Variants in MUSK observed in about 807,000 individuals in gnomAD.
MUSK encodes the protein muscle associated receptor tyrosine kinase, also known as muscle, skeletal receptor tyrosine-protein kinase.
MUSK carries 55 observed loss-of-function variants against 88.7 expected under a neutral mutation model. That is an observed-to-expected ratio of 0.62 (90% CI 0.50 to 0.78). MUSK has a LOEUF of 0.78. Ranked by LOEUF, MUSK falls within the 30% of genes least tolerant of loss-of-function variation. MUSK has a pLI of 0.00. For synonymous variants in MUSK, 387 were observed against 391.9 expected (o/e 0.99, Z 0.15); for missense variants, 1,015 against 1,074.3 (o/e 0.94, Z 0.77).
At chr9:110,690,953 C>G (rs1274270650) in intron 3 of MUSK, among the ~76,000 whole-genome samples, 1 of 150,022 alleles carries the variant, frequency 6.7e-6, no homozygotes, top group Non-Finnish European at 1.5e-5. Flanking sequence ...CAACCTCTGC[C>G]TCCTGAGTTC....
chr9:110,733,279 T>TCTTGTTACC (rs1237005045), intron 5 of MUSK, among the ~76,000 whole-genome samples: 1 of 152,108 alleles, frequency 6.6e-6, no homozygotes, highest in Non-Finnish European at 1.5e-5. Flanking sequence ...CACTCATCAT[T>TCTTGTTACC]CTTGTTACCT....
At chr9:110,761,262 A>C (rs1326056871) in intron 7 of MUSK, among the ~76,000 whole-genome samples, 1 of 152,134 alleles carries the variant, frequency 6.6e-6, no homozygotes, top group Non-Finnish European at 1.5e-5. Context: ...CAGAGCCCTG[A>C]GTTTTTACAT....
At chr9:110,672,591 A>G (rs146077000) in intron 1 of MUSK, among the ~76,000 whole-genome samples, 56 of 152,264 alleles carry the variant, frequency 3.7e-4, no homozygotes, top group African/African-American at 1.3e-3. Flanking sequence ...AAGAAAGTAA[A>G]ACAAGGATAT....
intron 14 of MUSK, among the ~76,000 whole-genome samples, chr9:110,797,659 T>G (rs1280511511): frequency 6.6e-6 from 1 of 152,210 alleles, no homozygotes; most frequent in African/African-American, 2.4e-5. Flanking sequence ...TACATAACAA[T>G]TCATCTTGAA....
chr9:110,677,682 A>C (rs1241576081), intron 1 of MUSK, among the ~76,000 whole-genome samples: 1 of 152,132 alleles, frequency 6.6e-6, no homozygotes, highest in East Asian at 1.9e-4. Context: ...CCAAATTTGA[A>C]TCATCCTGTG....
At chr9:110,718,990 C>A (rs2076778408) in intron 5 of MUSK, among the ~76,000 whole-genome samples, 1 of 152,060 alleles carries the variant, frequency 6.6e-6, no homozygotes, top group Non-Finnish European at 1.5e-5. Flanking sequence ...AACTAAGCTT[C>A]ATAAATGAAG....
intron 3 of MUSK, among the ~76,000 whole-genome samples, chr9:110,687,614 C>T (rs773595559): frequency 3.3e-5 from 5 of 152,088 alleles, no homozygotes; most frequent in East Asian, 1.9e-4. Context: ...GAATTACAGG[C>T]GTGAGCCACT....
At chr9:110,693,892 C>A (rs2076391376) in intron 3 of MUSK, among the ~76,000 whole-genome samples, 1 of 152,044 alleles carries the variant, frequency 6.6e-6, no homozygotes, top group Non-Finnish European at 1.5e-5. Context: ...AACTGTATGA[C>A]AATACAACTC....
At chr9:110,736,667 C>G (rs1225848450) in intron 6 of MUSK, among the ~76,000 whole-genome samples, 1 of 152,016 alleles carries the variant, frequency 6.6e-6, no homozygotes, top group African/African-American at 2.4e-5. Flanking sequence ...GATTCTTGTT[C>G]ATTTTGTGTT....
At position 110,734,292 on chromosome 9, in the gene MUSK, ACCTTTGGCT is replaced by A. The variant is rs752372041; in HGVS notation, c.677_685del (p.Gly226_Phe228del). The A allele has an allele frequency of 1.2e-6, 2 of 1,612,932 alleles. No individual in the cohort carries two copies. Among genetic ancestry groups the A allele is most frequent in the Non-Finnish European group, 1.7e-6 (2 of 1,179,442 alleles). ...GCGGGCTCCTGAATCCCACAATGTC[ACCTTTGGCT>A]CCTTTGTGACCCTGCACTGTACAGC... On this transcript the variant is annotated inframe_deletion, in exon 6 of 15. Coordinates refer to ENST00000374448, the MANE Select transcript of MUSK (RefSeq NM_005592.4).
At position 110,697,442 on chromosome 9, in the gene MUSK, A is replaced by G. The variant is rs773036359; in HGVS notation, c.604A>G (p.Lys202Glu). 2.5e-6 allele frequency: 4 copies of G among 1,608,104 alleles called. No homozygotes were observed. The highest frequency in any genetic ancestry group is 1.7e-5 in the Admixed American group (1 of 59,544). The change falls in exon 5 of 15, where the codon AAA becomes GAA. Residue 202 changes from lysine to glutamate, a missense_variant. Lys to Glu is a moderately conservative substitution (Grantham distance 56). Transcript: ENST00000374448. ...AAACAGCCTCGGGACAGCATATTCCAAAGTGGTGAAGCTGGAAGTTGAGGG... is the reference window on the plus strand; with the variant it reads ...AAACAGCCTCGGGACAGCATATTCCGAAGTGGTGAAGCTGGAAGTTGAGGG... The part of the protein sequence containing the change: ...AKNSLGTAYS[K>E]VVKLEVEVFA...
intron 1 of MUSK, among the ~76,000 whole-genome samples, chr9:110,677,012 G>A (rs907718017): frequency 2.0e-5 from 3 of 152,112 alleles, no homozygotes; most frequent in Non-Finnish European, 4.4e-5. Flanking sequence ...CCCTCACTGT[G>A]CTTTAAGAGG....
intron 5 of MUSK, among the ~76,000 whole-genome samples, chr9:110,731,230 G>A (rs1459598265): frequency 2.0e-5 from 3 of 151,978 alleles, no homozygotes; most frequent in Non-Finnish European, 4.4e-5. Flanking sequence ...AAAAAGCAAA[G>A]CAAACCTTGC....
At position 110,800,435 on chromosome 9, in the gene MUSK, G is replaced by A; in HGVS notation, c.2057G>A (p.Arg686Lys). The change falls in exon 15 of 15, where the codon AGG (arginine) becomes AAG (lysine). Residue 686 changes from arginine (R) to lysine (K), a missense_variant. Coordinates refer to ENST00000374448, the MANE Select transcript of MUSK (RefSeq NM_005592.4). ...CTCAGTCACAGTGACTTGTCTATGA[G>A]GGCTCAGGTCTCCAGCCCTGGGCCC... Reference protein sequence around the residue: ...CSLSHSDLSMRAQVSSPGPPP... With the variant: ...CSLSHSDLSMKAQVSSPGPPP... The A allele has an allele frequency of 6.2e-7, 1 of 1,613,818 alleles. No homozygotes were observed. The highest frequency in any genetic ancestry group is 8.5e-7 in the Non-Finnish European group (1 of 1,179,856).
At chr9:110,696,997 C>A (rs2076438593) in intron 4 of MUSK, among the ~76,000 whole-genome samples, 1 of 149,754 alleles carries the variant, frequency 6.7e-6, no homozygotes, top group East Asian at 1.9e-4. Flanking sequence ...TCAGATTTAG[C>A]TGTGACTTTG....
At chr9:110,695,657 T>C (rs2076422116) in intron 4 of MUSK, 127 bp downstream of exon 4, 2 of 788,680 alleles carry the variant, frequency 2.5e-6, no homozygotes, top group Non-Finnish European at 1.9e-6. Flanking sequence ...TTTAACCAAA[T>C]GTAAATATTT....
chr9:110,720,092 C>T (rs1007991777), intron 5 of MUSK, among the ~76,000 whole-genome samples: 3 of 151,920 alleles, frequency 2.0e-5, no homozygotes, highest in African/African-American at 7.2e-5. Flanking sequence ...CTCTGGGATA[C>T]AGCAAAAACG....
At chr9:110,799,667 G>A (rs1248068747) in intron 14 of MUSK, among the ~76,000 whole-genome samples, 1 of 152,210 alleles carries the variant, frequency 6.6e-6, no homozygotes, top group Admixed American at 6.5e-5. Context: ...CGTGGTAGGT[G>A]TGGGGAATTT....
In MUSK at chr9:110,806,514, C is replaced by T. The variant is rs1050061620; in HGVS notation, c.*5526C>T. ...GTGCTTTGACTAGATTGATTCTAAA[C>T]ATCAAAAAACAAAAATAAAATATCT... On this transcript the variant is annotated 3_prime_UTR_variant, in exon 15 of 15. Transcript: ENST00000374448. Among the ~76,000 whole-genome samples, 4 of 152,046 alleles carry T rather than the reference C, an allele frequency of 2.6e-5. No homozygotes were observed. The highest frequency in any genetic ancestry group is 7.2e-5 in the African/African-American group (3 of 41,408).
Sources: allele counts gnomAD v4.1 joint callset (sites outside exome capture counted in the v4.1 genomes callset), GRCh38; gene constraint gnomAD v4.1.1; transcripts MANE v1.5; gene names NCBI Gene and HGNC (gene_info 2026-07-23, HGNC 2026-07-21).